Variants in MIER1 observed in about 807,000 individuals in gnomAD.
The protein encoded by MIER1 is MIER1 transcriptional regulator, also known as mesoderm induction early response protein 1.
MIER1 carries 40 observed loss-of-function variants against 75.7 expected under a neutral mutation model. The observed-to-expected ratio is 0.53, with a 90% CI of 0.41 to 0.69. The LOEUF is 0.69. Among genes scored for constraint, MIER1 ranks in the 30% least tolerant of loss-of-function variants. MIER1 has a pLI of 0.00. For missense variants in MIER1, 574 were observed against 680.2 expected, an observed-to-expected ratio of 0.84 and a Z score of 1.74; for synonymous variants, 213 against 223.4, an observed-to-expected ratio of 0.95 and a Z score of 0.42.
chr1:66,972,243 TATATATATATATATATATAG>T lies in MIER1; in HGVS notation c.1006+512_1006+531del, dbSNP rs1187962918. On this transcript the variant is annotated intron_variant, in intron 10 of 13. Coordinates refer to ENST00000401041, the MANE Select transcript of MIER1 (RefSeq NM_001077700.3). ...TATATATATATACACTACATATATA[TATATATATATATATATATAG>T]ATATGTAACAAATGAGAGATATTTA... 4.1e-4 allele frequency among the ~76,000 whole-genome samples: 28 copies of T among 68,754 alleles called. 1 individual carries two copies. The highest frequency in any genetic ancestry group is 1.4e-3 in the Admixed American group (12 of 8,538). 45.1% of individuals were successfully genotyped at this position (68,754 alleles called of 152,430 possible).
chr1:66,963,540 C>T (rs897125507), intron 8 of MIER1, among the ~76,000 whole-genome samples: 5 of 152,050 alleles, frequency 3.3e-5, no homozygotes, highest in African/African-American at 4.8e-5. Flanking sequence ...TAAAAACAAA[C>T]GAGAGTAAAT....
chr1:66,963,980 A>G (rs750293404), intron 8 of MIER1, among the ~76,000 whole-genome samples: 24 of 151,996 alleles, frequency 1.6e-4, no homozygotes, highest in Non-Finnish European at 2.8e-4. Flanking sequence ...CAACTTTTGT[A>G]TACTTAAATT....
intron 9 of MIER1, among the ~76,000 whole-genome samples, 171 bp downstream of exon 9, chr1:66,971,130 G>A (rs1170126782): frequency 6.6e-6 from 1 of 152,078 alleles, no homozygotes; most frequent in Non-Finnish European, 1.5e-5. Flanking sequence ...GACTTCATTG[G>A]TGTGAAGCTC....
intron 4 of MIER1, among the ~76,000 whole-genome samples, chr1:66,955,083 T>A (rs1659818369): frequency 6.6e-6 from 1 of 152,162 alleles, no homozygotes; most frequent in African/African-American, 2.4e-5. Flanking sequence ...TAATCTATGA[T>A]TGTCAGACAT....
chr1:66,969,888 C>T (rs898947872), intron 8 of MIER1, among the ~76,000 whole-genome samples: 3 of 152,212 alleles, frequency 2.0e-5, no homozygotes, highest in Non-Finnish European at 4.4e-5. Context: ...CATCTCTCTA[C>T]AGAAAGTTCT....
intron 2 of MIER1, chr1:66,928,843 C>A (rs1275801542): frequency 2.3e-6 from 3 of 1,312,284 alleles, no homozygotes; most frequent in Non-Finnish European, 3.2e-6. Flanking sequence ...GATTTGGGAA[C>A]CTTAAAGTTT....
In MIER1 at chr1:66,985,616, C is replaced by T. The variant is rs1237066946; in HGVS notation, c.*716C>T. The T allele has an allele frequency of 1.0e-6, 1 of 985,110 alleles. No homozygotes were observed. The highest frequency in any genetic ancestry group is 1.7e-5 in the African/African-American group (1 of 57,300). The allele number at this position is 985,110 out of a possible 1,614,324, so 61.0% of individuals were successfully genotyped here. Reference sequence around the variant, plus strand: ...AGTACATATGTCTTGACTGAGCTGTCCTTTCTTAATACAAAAGCGTGTATA... The same window carrying T: ...AGTACATATGTCTTGACTGAGCTGTTCTTTCTTAATACAAAAGCGTGTATA... On this transcript the variant is annotated 3_prime_UTR_variant, in exon 14 of 14. Transcript: ENST00000401041.
chr1:66,981,790 ATCG>A lies in MIER1; in HGVS notation c.1244_1246del (p.Arg415del). ...TTATTAATTTTAAGGGATTACATGG[ATCG>A]TCTTCTAGACGAAAGTGAAAGTGCT... On this transcript the variant is annotated inframe_deletion, in exon 13 of 14. Transcript: ENST00000401041. The A allele has an allele frequency of 6.2e-7, 1 of 1,613,258 alleles. No homozygotes were observed. Among genetic ancestry groups the A allele is most frequent in the Non-Finnish European group, 8.5e-7 (1 of 1,179,492 alleles).
chr1:66,927,682 A>G (rs1356912786), intron 2 of MIER1, among the ~76,000 whole-genome samples: 1 of 152,184 alleles, frequency 6.6e-6, no homozygotes, highest in Non-Finnish European at 1.5e-5. Context: ...AGATTCTGGC[A>G]TAATAAAAGA....
At chr1:66,967,860 A>T (rs1169610612) in intron 8 of MIER1, among the ~76,000 whole-genome samples, 1 of 152,140 alleles carries the variant, frequency 6.6e-6, no homozygotes, top group Non-Finnish European at 1.5e-5. Flanking sequence ...GTATCCTGCA[A>T]CTTTACTGAA....
intron 13 of MIER1, 46 bp downstream of exon 13, chr1:66,981,964 C>T: frequency 6.2e-7 from 1 of 1,600,432 alleles, no homozygotes; most frequent in Non-Finnish European, 8.5e-7. Flanking sequence ...ATAAGGGACA[C>T]TTTCTTGCAG....
Position 66,986,163 on chromosome 1 carries a change from T to C in MIER1, c.*1263T>C. On this transcript the variant is annotated 3_prime_UTR_variant, in exon 14 of 14. Coordinates refer to ENST00000401041, the MANE Select transcript of MIER1 (RefSeq NM_001077700.3). ...TGAAGTTTGAAAACTTTTCAAACTTTTCTAGTTACAATCCAATTTTTCAGA... is the reference window on the plus strand; with the variant it reads ...TGAAGTTTGAAAACTTTTCAAACTTCTCTAGTTACAATCCAATTTTTCAGA... 8.3e-7 allele frequency: 1 copy of C among 1,206,414 alleles called. No homozygotes were observed. Among genetic ancestry groups the C allele is most frequent in the South Asian group, 3.0e-5 (1 of 32,926 alleles). The allele number at this position is 1,206,414 out of a possible 1,614,324, so 74.7% of individuals were successfully genotyped here.
At chr1:66,956,191 G>A (rs1253572414) in intron 4 of MIER1, among the ~76,000 whole-genome samples, 2 of 152,218 alleles carry the variant, frequency 1.3e-5, no homozygotes, top group Non-Finnish European at 1.5e-5. Context: ...GGAAGCCAAG[G>A]TGGGCAGATC....
At chr1:66,951,466 A>G (rs1658929988) in intron 4 of MIER1, among the ~76,000 whole-genome samples, 1 of 152,050 alleles carries the variant, frequency 6.6e-6, no homozygotes, top group Non-Finnish European at 1.5e-5. Context: ...TCCCACCTTC[A>G]GCCAGCCTTC....
intron 4 of MIER1, chr1:66,946,668 C>G (rs530000913): frequency 1.0e-6 from 1 of 992,390 alleles, no homozygotes; most frequent in South Asian, 4.6e-5. Context: ...CTTGAAGTAT[C>G]ATTTTCCATT....
At chr1:66,930,104 C>T (rs1652740703) in intron 2 of MIER1, 3 of 825,652 alleles carry the variant, frequency 3.6e-6, no homozygotes, top group South Asian at 4.6e-5. Flanking sequence ...TCCGCCCCCT[C>T]CGCTCTTCCC....
intron 3 of MIER1, among the ~76,000 whole-genome samples, chr1:66,942,490 G>T (rs1656478033): frequency 6.6e-6 from 1 of 152,142 alleles, no homozygotes; most frequent in Non-Finnish European, 1.5e-5. Flanking sequence ...TCTGCAGTAG[G>T]ATAGGATTTC....
Position 66,984,696 on chromosome 1 carries a change from T to C in MIER1, c.1494T>C (p.Gly498=). The C allele has an allele frequency of 1.9e-6, 3 of 1,614,006 alleles. No individual in the cohort carries two copies. Among genetic ancestry groups the C allele is most frequent in the Middle Eastern group, 1.7e-4 (1 of 6,058 alleles). ...TTCATGCAGATATGGATACTAATGG[T>C]TATGAAACAGATAACCTTACCACTG... ...KPLHADMDTN[G]YETDNLTTDP... is the part of the protein sequence containing the mutation. The change falls in exon 14 of 14, where the codon GGT becomes GGC. Residue 498 remains glycine (G), a synonymous_variant. Coordinates refer to ENST00000401041, the MANE Select transcript of MIER1 (RefSeq NM_001077700.3).
chr1:66,962,372 C>T (rs1475959780), intron 7 of MIER1, among the ~76,000 whole-genome samples: 1 of 152,118 alleles, frequency 6.6e-6, no homozygotes, highest in Non-Finnish European at 1.5e-5. Context: ...TATACAAACC[C>T]TTTTTGTTAT....
Sources: gnomAD v4.1 joint callset for allele counts (sites outside exome capture counted in the v4.1 genomes callset) on GRCh38, gnomAD v4.1.1 for gene constraint, MANE v1.5 for transcripts, NCBI Gene and HGNC (gene_info 2026-07-23, HGNC 2026-07-21) for gene names.